APTX: variants seen among roughly 807,000 people sequenced by gnomAD.
The protein encoded by APTX is forkhead-associated domain histidine triad-like protein.
APTX carries 33 observed loss-of-function variants against 42.3 expected under a neutral mutation model. The observed-to-expected ratio is 0.78, with a 90% CI of 0.59 to 1.04. The LOEUF (loss-of-function observed/expected upper bound fraction) is 1.04, where lower values mean the gene tolerates loss of function less well. APTX is among the 50% of genes least tolerant of loss of function. APTX has a pLI of 0.00. For synonymous variants in APTX, 130 were observed against 146.7 expected (o/e 0.89, Z 0.82); for missense variants, 421 against 415.1 (o/e 1.01, Z -0.12).
intron 1 of APTX, among the ~76,000 whole-genome samples, chr9:32,996,838 G>A (rs1587560074): frequency 6.6e-6 from 1 of 152,350 alleles, no homozygotes; most frequent in South Asian, 2.1e-4. Flanking sequence ...GGGGTTTCGG[G>A]AGATCACTGT....
chr9:32,981,222 C>A (rs1389085184), intron 6 of APTX, among the ~76,000 whole-genome samples: 3 of 152,106 alleles, frequency 2.0e-5, no homozygotes, highest in African/African-American at 7.2e-5. Flanking sequence ...TTTATGGGTA[C>A]ACTAGGACTG....
chr9:33,022,280 T>C (rs1838447902), intron 1 of APTX, among the ~76,000 whole-genome samples: 2 of 152,170 alleles, frequency 1.3e-5, no homozygotes, highest in South Asian at 4.1e-4. Flanking sequence ...TAAAATAATA[T>C]GAACAGTTGA....
intron 6 of APTX, among the ~76,000 whole-genome samples, chr9:32,975,260 A>G (rs1192543963): frequency 6.6e-6 from 1 of 152,224 alleles, no homozygotes; most frequent in Non-Finnish European, 1.5e-5. Context: ...TTCTGAATCT[A>G]CTGGGAAGCC....
intron 1 of APTX, among the ~76,000 whole-genome samples, chr9:33,011,413 G>A (rs181837541): frequency 0.071 from 10,684 of 151,224 alleles, 496 homozygotes; most frequent in Non-Finnish European, 0.11. Context: ...TCAGCCTCCC[G>A]AGTAGCTGGG....
chr9:33,024,284 A>C (rs1838658189), intron 1 of APTX, among the ~76,000 whole-genome samples: 1 of 152,152 alleles, frequency 6.6e-6, no homozygotes, highest in Non-Finnish European at 1.5e-5. Context: ...AAGTGCTGGG[A>C]TTACACACGT....
At chr9:33,018,929 T>A (rs1426698222) in intron 1 of APTX, among the ~76,000 whole-genome samples, 1 of 152,058 alleles carries the variant, frequency 6.6e-6, no homozygotes, top group East Asian at 1.9e-4. Context: ...TAAAAATAAG[T>A]AAAGTCTGAG....
At position 32,973,234 on chromosome 9, in the gene APTX, CTGACA is replaced by C; in HGVS notation, c.*259_*263del. ...ATGGCTTTGCTCCCAATGGTCAGAC[CTGACA>C]TGGGTCCTTCTGAAGATGGTGGGTC... On this transcript the variant is annotated 3_prime_UTR_variant, in exon 8 of 8. Transcript: ENST00000379817. 1 of 573,056 alleles carries C rather than the reference CTGACA, an allele frequency of 1.7e-6. No homozygotes were observed. 35.5% of individuals were successfully genotyped at this position (573,056 alleles called of 1,614,324 possible). A position where few individuals can be genotyped will look rare whatever the true frequency, so the allele number is the denominator to read the frequency against.
At chr9:33,010,280 T>G (rs1837447299) in intron 1 of APTX, among the ~76,000 whole-genome samples, 1 of 152,098 alleles carries the variant, frequency 6.6e-6, no homozygotes, top group Non-Finnish European at 1.5e-5. Context: ...TCCCACAGTC[T>G]CAGGGTCTTG....
At position 32,984,724 on chromosome 9, in the gene APTX, T is replaced by C; in HGVS notation, c.677A>G (p.His226Arg). 4.3e-6 allele frequency: 7 copies of C among 1,614,168 alleles called. No homozygotes were observed. Among genetic ancestry groups the C allele is most frequent in the East Asian group, 2.2e-5 (1 of 44,870 alleles). ...CACCTTTTCCCCCACAGTGTGCATA[T>C]GCTTAAGGAGTTCAAGGTGTTCCCT... Reference protein sequence around the residue: ...VAREHLELLKHMHTVGEKVIV... With the variant: ...VAREHLELLKRMHTVGEKVIV... The change falls in exon 6 of 8, where the codon CAT becomes CGT. Residue 226 changes from histidine to arginine, a missense_variant. His to Arg is a conservative substitution (Grantham distance 29). Coordinates refer to ENST00000379817, the MANE Select transcript of APTX (RefSeq NM_001195248.2).
At chr9:32,999,393 C>G (rs1022742354) in intron 1 of APTX, among the ~76,000 whole-genome samples, 1 of 152,172 alleles carries the variant, frequency 6.6e-6, no homozygotes, top group Non-Finnish European at 1.5e-5. Context: ...TATAATGGAC[C>G]ACCAAGGAGT....
intron 1 of APTX, among the ~76,000 whole-genome samples, chr9:33,024,067 T>C (rs766965543): frequency 2.0e-5 from 3 of 152,216 alleles, no homozygotes; most frequent in Admixed American, 6.5e-5. Flanking sequence ...CAGGTTAATA[T>C]AGGAGGCTCT....
chr9:32,986,652 C>T (rs1832245520), intron 4 of APTX, among the ~76,000 whole-genome samples: 1 of 151,716 alleles, frequency 6.6e-6, no homozygotes, highest in Non-Finnish European at 1.5e-5. Context: ...TAGGCATGCA[C>T]CACCACGCCC....
intron 6 of APTX, among the ~76,000 whole-genome samples, chr9:32,982,083 C>A (rs941716004): frequency 6.6e-6 from 1 of 151,738 alleles, no homozygotes; most frequent in African/African-American, 2.4e-5. Flanking sequence ...CAGTAATAAA[C>A]CATCTCAACA....
intron 5 of APTX, among the ~76,000 whole-genome samples, chr9:32,985,230 G>A (rs190995455): frequency 3.9e-5 from 6 of 151,966 alleles, no homozygotes; most frequent in African/African-American, 4.8e-5. Flanking sequence ...TGTGTGACAC[G>A]TACACGTGGG....
chr9:32,982,791 C>T (rs1830985387), intron 6 of APTX, among the ~76,000 whole-genome samples: 1 of 152,172 alleles, frequency 6.6e-6, no homozygotes, highest in Admixed American at 6.5e-5. Flanking sequence ...TAGTCAGGGG[C>T]TCTGCATTAG....
upstream of APTX, among the ~76,000 whole-genome samples, chr9:33,003,780 C>T (rs1351723780): frequency 6.6e-6 from 1 of 152,192 alleles, no homozygotes; most frequent in Non-Finnish European, 1.5e-5. Context: ...TTGCGACTGG[C>T]TTATTTCACT....
chr9:32,979,234 C>T (rs1418895369), intron 6 of APTX, among the ~76,000 whole-genome samples: 1 of 152,106 alleles, frequency 6.6e-6, no homozygotes, highest in Non-Finnish European at 1.5e-5. Flanking sequence ...TCATTCCCTG[C>T]TTTGTGTCCA....
intron 3 of APTX, 110 bp from the exon 4 acceptor site, chr9:32,987,956 T>C (rs1832591771): frequency 6.6e-7 from 1 of 1,513,956 alleles, no homozygotes; most frequent in Non-Finnish European, 9.1e-7. Flanking sequence ...TTGCCTTATG[T>C]TCACCTATAT....
chr9:32,987,011 C>T (rs538128708), intron 4 of APTX, among the ~76,000 whole-genome samples: 94 of 151,824 alleles, frequency 6.2e-4, no homozygotes, highest in South Asian at 2.3e-3. Context: ...TGGAGTTTCA[C>T]AATGTTTGCC....
Sources: allele counts gnomAD v4.1 joint callset (sites outside exome capture counted in the v4.1 genomes callset), GRCh38; gene constraint gnomAD v4.1.1; transcripts MANE v1.5; gene names NCBI Gene and HGNC (gene_info 2026-07-23, HGNC 2026-07-21).